The following TASP1 variants were observed in gnomAD, a reference collection of about 807,000 sequenced individuals.
TASP1 encodes threonine aspartase 1.
In TASP1, 16 loss-of-function variants were observed where a neutral mutation model predicts 56.6. The ratio of observed to expected loss-of-function variants is 0.28; its 90% CI spans 0.19 to 0.43. TASP1 has a LOEUF of 0.43. Among genes scored for constraint, TASP1 ranks in the 20% least tolerant of loss-of-function variants. TASP1 has a pLI of 1.00. For synonymous variants in TASP1, 179 were observed against 184.2 expected (o/e 0.97, Z 0.23); for missense variants, 393 against 511.6 (o/e 0.77, Z 2.24).
chr20:13,533,791 A>G (rs1375035065), intron 9 of TASP1, among the ~76,000 whole-genome samples: 1 of 152,204 alleles, frequency 6.6e-6, no homozygotes, highest in Non-Finnish European at 1.5e-5. Context: ...TGAAAGGAGA[A>G]AAACTAGGAT....
chr20:13,269,447 T>C, the TASP1 span, among the ~76,000 whole-genome samples: 1 of 152,228 alleles, frequency 6.6e-6, no homozygotes, highest in Admixed American at 6.5e-5. Context: ...AGAATGCCTT[T>C]TCGTGACTTT....
At chr20:13,297,034 C>G in the TASP1 span, among the ~76,000 whole-genome samples, 1 of 147,524 alleles carries the variant, frequency 6.8e-6, no homozygotes, top group East Asian at 2.1e-4. Context: ...GCCTCACCCC[C>G]CGCCAAAAAA....
the TASP1 span, among the ~76,000 whole-genome samples, chr20:13,118,950 G>T: frequency 2.0e-5 from 3 of 152,258 alleles, no homozygotes; most frequent in East Asian, 1.9e-4. Flanking sequence ...GCTTTCTTTC[G>T]GGCTCAAAGC....
At chr20:13,144,049 C>T in the TASP1 span, among the ~76,000 whole-genome samples, 1 of 152,134 alleles carries the variant, frequency 6.6e-6, no homozygotes, top group Non-Finnish European at 1.5e-5. Context: ...TAATACCCAT[C>T]AAAAAATTGT....
intron 6 of TASP1, among the ~76,000 whole-genome samples, chr20:13,576,012 G>T (rs2147176058): frequency 6.6e-6 from 1 of 152,118 alleles, no homozygotes; most frequent in East Asian, 1.9e-4. Context: ...AGGTGTTCGA[G>T]ATCAGCCTGG....
chr20:13,540,954 C>G (rs1380149699), intron 8 of TASP1, among the ~76,000 whole-genome samples: 2 of 152,002 alleles, frequency 1.3e-5, no homozygotes, highest in African/African-American at 4.8e-5. Context: ...AGATCATGAA[C>G]AAATTTTTCA....
At chr20:13,202,987 T>C in the TASP1 span, among the ~76,000 whole-genome samples, 24 of 152,336 alleles carry the variant, frequency 1.6e-4, no homozygotes, top group African/African-American at 5.8e-4. Context: ...TAGGCTAAAC[T>C]TAATTTAACA....
the TASP1 span, among the ~76,000 whole-genome samples, chr20:13,287,008 G>T: frequency 5.3e-5 from 8 of 152,202 alleles, no homozygotes; most frequent in Non-Finnish European, 1.0e-4. Context: ...TAGAGAGAAA[G>T]GGCGTGGTAC....
chr20:13,511,321 G>A (rs1212983525), intron 10 of TASP1, among the ~76,000 whole-genome samples: 1 of 152,120 alleles, frequency 6.6e-6, no homozygotes, highest in African/African-American at 2.4e-5. Flanking sequence ...AGCAAGAGAA[G>A]TGGAGAACCA....
intron 11 of TASP1, among the ~76,000 whole-genome samples, chr20:13,448,469 A>T (rs1227271800): frequency 6.6e-6 from 1 of 152,118 alleles, no homozygotes; most frequent in African/African-American, 2.4e-5. Flanking sequence ...TCATATGGTC[A>T]TAATTTAATT....
At chr20:13,136,452 T>C in the TASP1 span, among the ~76,000 whole-genome samples, 68 of 151,554 alleles carry the variant, frequency 4.5e-4, no homozygotes, top group East Asian at 0.012. Context: ...ACAAAAAAAT[T>C]AGATGGCGGT....
the TASP1 span, among the ~76,000 whole-genome samples, chr20:13,361,381 C>G: frequency 6.6e-6 from 1 of 152,076 alleles, no homozygotes; most frequent in African/African-American, 2.4e-5. Flanking sequence ...TCAAATCAGC[C>G]GAGCAGTTTT....
At chr20:13,205,263 C>T in the TASP1 span, among the ~76,000 whole-genome samples, 145 of 152,226 alleles carry the variant, frequency 9.5e-4, no homozygotes, top group African/African-American at 3.3e-3. Context: ...GATGCCAAGC[C>T]CTTTCCCACC....
the TASP1 span, among the ~76,000 whole-genome samples, chr20:13,223,031 C>T: frequency 1.4e-4 from 22 of 152,112 alleles, no homozygotes; most frequent in South Asian, 3.9e-3. Context: ...GGCGTGGTGG[C>T]GCACGCCTGT....
the TASP1 span, among the ~76,000 whole-genome samples, chr20:13,154,905 G>T: frequency 6.6e-6 from 1 of 152,182 alleles, no homozygotes. Context: ...AACTGGCAGG[G>T]CACAGTGGCT....
intron 8 of TASP1, among the ~76,000 whole-genome samples, chr20:13,556,347 T>G (rs1327970490): frequency 6.6e-6 from 1 of 152,164 alleles, no homozygotes. Flanking sequence ...CAAACTGCAA[T>G]GACTTTGTAA....
chr20:13,400,678 T>G (rs936947071), intron 13 of TASP1, among the ~76,000 whole-genome samples: 4 of 152,186 alleles, frequency 2.6e-5, no homozygotes, highest in African/African-American at 7.2e-5. Context: ...AAGCAAACTG[T>G]CAGTACCTAC....
chr20:13,219,785 T>C, the TASP1 span, among the ~76,000 whole-genome samples: 11 of 152,202 alleles, frequency 7.2e-5, no homozygotes, highest in Non-Finnish European at 1.5e-4. Context: ...TACCGCTATT[T>C]AAATTCTGCA....
intron 8 of TASP1, among the ~76,000 whole-genome samples, chr20:13,550,887 T>G (rs990775023): frequency 1.3e-5 from 2 of 152,160 alleles, no homozygotes; most frequent in Non-Finnish European, 2.9e-5. Context: ...CATGTTGTTT[T>G]TTGTGCATTT....
Sources: gnomAD v4.1 joint callset for allele counts (sites outside exome capture counted in the v4.1 genomes callset) on GRCh38, gnomAD v4.1.1 for gene constraint, MANE v1.5 for transcripts, NCBI Gene and HGNC (gene_info 2026-07-23, HGNC 2026-07-21) for gene names.